Variants in STIM1 observed in about 807,000 individuals in gnomAD.
STIM1 encodes stromal interaction molecule 1.
In STIM1, 25 loss-of-function variants were observed where a neutral mutation model predicts 74.7. The observed-to-expected ratio is 0.33, with a 90% CI of 0.24 to 0.47. The LOEUF (loss-of-function observed/expected upper bound fraction) is 0.47. Among genes scored for constraint, STIM1 ranks in the 20% least tolerant of loss-of-function variants. The pLI is 1.00. For missense variants in STIM1, 728 were observed against 920.8 expected (o/e 0.79, Z 2.71); for synonymous variants, 328 against 348.8 (o/e 0.94, Z 0.66).
At position 4,080,374 on chromosome 11, in the gene STIM1, T is replaced by C. The variant is rs950451985; in HGVS notation, c.970-1810T>C. 5.9e-5 allele frequency among the ~76,000 whole-genome samples: 9 copies of C among 152,228 alleles called. No homozygotes were observed. In the East Asian group the frequency reaches 1.7e-3, roughly 29 times the overall value. On this transcript the variant is annotated intron_variant, in intron 7 of 12. Coordinates refer to ENST00000526596, the MANE Select transcript of STIM1 (RefSeq NM_001382567.1). ...TCTTGTCTTCCCATCAGACATTTAT[T>C]ACTGTGCATGGCATGATATGTCTCT...
chr11:3,988,287 T>C (rs1189412754), intron 2 of STIM1, among the ~76,000 whole-genome samples: 1 of 152,178 alleles, frequency 6.6e-6, no homozygotes, highest in Non-Finnish European at 1.5e-5. Context: ...TTATATCTAG[T>C]CCAGGGATCA....
At position 4,057,163 on chromosome 11, in the gene STIM1, T is replaced by C. The variant is rs115125536; in HGVS notation, c.497+1526T>C. Among the ~76,000 whole-genome samples, 503 of 152,344 alleles carry C rather than the reference T, an allele frequency of 3.3e-3. 2 individuals are homozygous for C. Among genetic ancestry groups the C allele is most frequent in the African/African-American group, 0.011 (468 of 41,578 alleles). On this transcript the variant is annotated intron_variant, in intron 4 of 12. Coordinates refer to ENST00000526596, the MANE Select transcript of STIM1 (RefSeq NM_001382567.1). ...GACCACTAAGATCCAGGATTTAGGT[T>C]TCTTTCTTGCTACCCATAGAAATAG... is the stretch of plus-strand genomic sequence containing the variant.
intron 2 of STIM1, chr11:3,974,167 C>T: frequency 1.8e-6 from 1 of 567,424 alleles, no homozygotes. Flanking sequence ...CTGGTCATTT[C>T]AAAGCTCAAC....
At chr11:3,898,164 C>T (rs2092243880) in intron 1 of STIM1, among the ~76,000 whole-genome samples, 1 of 151,392 alleles carries the variant, frequency 6.6e-6, no homozygotes. Flanking sequence ...TCCACATCCT[C>T]TCCAGCACCT....
At chr11:4,009,058 G>A (rs1454677598) in intron 2 of STIM1, among the ~76,000 whole-genome samples, 4 of 151,892 alleles carry the variant, frequency 2.6e-5, no homozygotes, top group Non-Finnish European at 4.4e-5. Flanking sequence ...TTGGGAGGCC[G>A]AGGCGGGCAG....
At position 4,006,002 on chromosome 11, in the gene STIM1, G is replaced by C. The variant is rs1802159308; in HGVS notation, c.271-17871G>C. Among the ~76,000 whole-genome samples, 5 of 152,144 alleles carry C rather than the reference G, an allele frequency of 3.3e-5. No homozygotes were observed. In the South Asian group the frequency reaches 1.0e-3, roughly 32 times the overall value. ...AGAGTTGGTAAACTTTTCAGATCTGGAACATGTGACTTATGGGTTTGATAT... is the reference window on the plus strand; with the variant it reads ...AGAGTTGGTAAACTTTTCAGATCTGCAACATGTGACTTATGGGTTTGATAT... On this transcript the variant is annotated intron_variant, in intron 2 of 12. Coordinates refer to ENST00000526596, the MANE Select transcript of STIM1 (RefSeq NM_001382567.1).
intron 1 of STIM1, among the ~76,000 whole-genome samples, chr11:3,893,293 G>GT (rs59782094): frequency 0.022 from 3,280 of 152,276 alleles, 116 homozygotes; most frequent in African/African-American, 0.072. Flanking sequence ...GTAAATATTT[G>GT]TTTTTGAATG....
chr11:3,892,504 G>A, intron 1 of STIM1: 1 of 1,574,446 alleles, frequency 6.4e-7, no homozygotes, highest in Non-Finnish European at 8.7e-7. Flanking sequence ...CCTTGCCAAA[G>A]ACCACATGCT....
At chr11:4,064,614 G>T (rs1427861053) in intron 5 of STIM1, among the ~76,000 whole-genome samples, 1 of 152,206 alleles carries the variant, frequency 6.6e-6, no homozygotes, top group Admixed American at 6.5e-5. Context: ...GGTTTGTCAT[G>T]CAGTAGCCAA....
chr11:3,947,100 G>GTTTTTT (rs57701004), intron 1 of STIM1, among the ~76,000 whole-genome samples: 1 of 139,350 alleles, frequency 7.2e-6, no homozygotes. Context: ...CATTCTTAGT[G>GTTTTTT]TTTTTTTTTT....
At chr11:4,053,247 T>C (rs1398423459) in intron 3 of STIM1, among the ~76,000 whole-genome samples, 2 of 152,182 alleles carry the variant, frequency 1.3e-5, no homozygotes, top group Non-Finnish European at 2.9e-5. Context: ...ACCCAAAGGA[T>C]TATAAATCAT....
chr11:3,862,668 G>A (rs753866802), intron 1 of STIM1, among the ~76,000 whole-genome samples: 4 of 151,930 alleles, frequency 2.6e-5, no homozygotes, highest in African/African-American at 4.8e-5. Flanking sequence ...GGATGGTCTC[G>A]ATCTCCTGAC....
At chr11:4,081,163 G>A (rs1285625410) in intron 7 of STIM1, among the ~76,000 whole-genome samples, 1 of 152,194 alleles carries the variant, frequency 6.6e-6, no homozygotes, top group Non-Finnish European at 1.5e-5. Flanking sequence ...GGCTGAAGCT[G>A]GGGATAATAA....
intron 2 of STIM1, among the ~76,000 whole-genome samples, chr11:3,997,535 A>G (rs1565141965): frequency 1.3e-5 from 2 of 152,218 alleles, no homozygotes; most frequent in Non-Finnish European, 1.5e-5. Flanking sequence ...ATAGAGTTGC[A>G]GAAGAGGACG....
intron 2 of STIM1, among the ~76,000 whole-genome samples, chr11:4,001,054 C>T (rs11030579): frequency 0.25 from 37,592 of 151,890 alleles, 5,624 homozygotes; most frequent in South Asian, 0.45. Context: ...TAAAAAGAAA[C>T]GAACAAAGCC....
chr11:4,070,176 A>G lies in STIM1; in HGVS notation c.764A>G (p.Glu255Gly), dbSNP rs200631910. 1 of 1,614,154 alleles carries G rather than the reference A, an allele frequency of 6.2e-7. No individual in the cohort carries two copies. The highest frequency in any genetic ancestry group is 1.7e-5 in the Admixed American group (1 of 60,016). Residue 255 changes from glutamate (E) to glycine (G), a missense_variant, in exon 6 of 13, where the codon GAG becomes GGG. Coordinates refer to ENST00000526596, the MANE Select transcript of STIM1 (RefSeq NM_001382567.1). ...MKDLEGLHRA[E>G]QSLHDLQERL... ...GACTTGGAGGGGTTACACCGAGCTG[A>G]GCAGAGTCTGCATGACCTTCAGGAA...
rs1421944866 is a variant in STIM1, at chr11:4,092,544, C to T, written c.*746C>T. 6.5e-6 allele frequency: 1 copy of T among 152,938 alleles called. No individual in the cohort carries two copies. Among genetic ancestry groups the T allele is most frequent in the East Asian group, 1.9e-4 (1 of 5,178 alleles). The allele number at this position is 152,938 out of a possible 1,614,324, so 9.5% of individuals were successfully genotyped here. ...CAGTCACTTTTTCTCTCTACTCCCACCCACACCTGCCTCCCTCTTACCCCT... is the reference window on the plus strand; with the variant it reads ...CAGTCACTTTTTCTCTCTACTCCCATCCACACCTGCCTCCCTCTTACCCCT... On this transcript the variant is annotated 3_prime_UTR_variant, in exon 13 of 13. Transcript: ENST00000526596.
chr11:3,858,420 C>T (rs1176382774), intron 1 of STIM1, among the ~76,000 whole-genome samples: 2 of 152,100 alleles, frequency 1.3e-5, no homozygotes, highest in Non-Finnish European at 2.9e-5. Flanking sequence ...TCTGTTGTCA[C>T]AATAATAGTG....
intron 1 of STIM1, among the ~76,000 whole-genome samples, chr11:3,912,248 C>T (rs1343838464): frequency 2.9e-5 from 4 of 137,636 alleles, no homozygotes; most frequent in Non-Finnish European, 6.3e-5. Context: ...TATCCCCTCC[C>T]TTCTCTCCTT....
Sources: allele counts gnomAD v4.1 joint callset (sites outside exome capture counted in the v4.1 genomes callset), GRCh38; gene constraint gnomAD v4.1.1; transcripts MANE v1.5; gene names NCBI Gene and HGNC (gene_info 2026-07-23, HGNC 2026-07-21).